The following HECTD2 variants were observed in gnomAD, a reference collection of about 807,000 sequenced individuals.
HECTD2 encodes HECT domain E3 ubiquitin protein ligase 2, also known as probable E3 ubiquitin-protein ligase HECTD2.
Under a neutral mutation model 103.2 loss-of-function variants are expected in HECTD2, and 35 were observed. The ratio of observed to expected loss-of-function variants is 0.34; its 90% CI spans 0.26 to 0.45. HECTD2 has a LOEUF of 0.45. Ranked by LOEUF, HECTD2 falls within the 20% of genes least tolerant of loss-of-function variation. The pLI, the probability that HECTD2 is intolerant of heterozygous loss-of-function variation, is 1.00. For synonymous variants in HECTD2, 281 were observed against 329.9 expected (o/e 0.85, Z 1.61); for missense variants, 596 against 937.4 (o/e 0.64, Z 4.76).
intron 2 of HECTD2, among the ~76,000 whole-genome samples, chr10:91,433,454 C>T (rs1427032275): frequency 6.6e-6 from 1 of 151,842 alleles, no homozygotes; most frequent in Non-Finnish European, 1.5e-5. Flanking sequence ...TGCTTTTTGT[C>T]CAGTTCATGT....
At chr10:91,439,397 C>A (rs9732335) in intron 2 of HECTD2, among the ~76,000 whole-genome samples, 2,201 of 152,140 alleles carry the variant, frequency 0.014, 49 homozygotes, top group African/African-American at 0.05. Context: ...AGATGTGTGG[C>A]ATTATTTCTG....
At chr10:91,493,803 AT>A (rs1472551666) in intron 14 of HECTD2, among the ~76,000 whole-genome samples, 1 of 152,022 alleles carries the variant, frequency 6.6e-6, no homozygotes, top group Non-Finnish European at 1.5e-5. Context: ...TTTAAAAAAA[AT>A]CAAAGTATTT....
At chr10:91,490,890 CAAAAAAAAAAAAAAAAAAAAA>C (rs61035151) in intron 11 of HECTD2, among the ~76,000 whole-genome samples, 1 of 13,616 alleles carries the variant, frequency 7.3e-5, no homozygotes, top group African/African-American at 2.3e-4. Context: ...GACTCCGTCT[CAAAAAAAAAAAAAAAAAAAAA>C]AAAAAAAAGA....
chr10:91,470,690 C>T (rs138289031), intron 5 of HECTD2, among the ~76,000 whole-genome samples: 5 of 151,862 alleles, frequency 3.3e-5, no homozygotes, highest in Non-Finnish European at 5.9e-5. Flanking sequence ...TAACCAAAAT[C>T]GGAGTTGAAC....
At chr10:91,503,207 G>GAGAT (rs1423022838) in intron 20 of HECTD2, among the ~76,000 whole-genome samples, 2 of 152,180 alleles carry the variant, frequency 1.3e-5, no homozygotes, top group African/African-American at 4.8e-5. Flanking sequence ...AAACCACAAT[G>GAGAT]AGATACCATC....
chr10:91,420,050 C>G (rs1243335196), intron 1 of HECTD2, among the ~76,000 whole-genome samples: 1 of 151,976 alleles, frequency 6.6e-6, no homozygotes, highest in Non-Finnish European at 1.5e-5. Flanking sequence ...AAAATGATGC[C>G]CGTTTTTTTT....
intron 17 of HECTD2, 27 bp from the exon 18 acceptor site, chr10:91,499,017 T>C (rs777201101): frequency 6.4e-7 from 1 of 1,558,630 alleles, no homozygotes; most frequent in South Asian, 1.1e-5. Context: ...ACTTTTACTA[T>C]TTAAGAGATG....
chr10:91,430,432 C>T (rs528854158), intron 2 of HECTD2, among the ~76,000 whole-genome samples: 77 of 152,120 alleles, frequency 5.1e-4, no homozygotes, highest in African/African-American at 1.7e-3. Flanking sequence ...CCTGGGTATC[C>T]TTGTTAACTT....
intron 2 of HECTD2, among the ~76,000 whole-genome samples, chr10:91,437,619 C>CTTT (rs59785873): frequency 1.0e-4 from 9 of 87,414 alleles, no homozygotes; most frequent in South Asian, 4.4e-4. Context: ...GATGGTTGTT[C>CTTT]TTTTTTTTTT....
chr10:91,506,220 A>C (rs2133373664), intron 20 of HECTD2, among the ~76,000 whole-genome samples: 1 of 150,320 alleles, frequency 6.7e-6, no homozygotes, highest in African/African-American at 2.4e-5. Context: ...AGAACTAGAA[A>C]AGCAAGAGCA....
intron 1 of HECTD2, among the ~76,000 whole-genome samples, chr10:91,410,789 C>T (rs1435003344): frequency 6.6e-6 from 1 of 152,162 alleles, no homozygotes; most frequent in Non-Finnish European, 1.5e-5. Flanking sequence ...CTACCACCCT[C>T]GGGAAATGTT....
intron 14 of HECTD2, among the ~76,000 whole-genome samples, chr10:91,494,783 C>T (rs1251341930): frequency 6.6e-6 from 1 of 151,916 alleles, no homozygotes; most frequent in Non-Finnish European, 1.5e-5. Flanking sequence ...ATCATTGATG[C>T]TTGTCACTAT....
chr10:91,504,314 T>A (rs553713598), intron 20 of HECTD2, among the ~76,000 whole-genome samples: 26 of 151,984 alleles, frequency 1.7e-4, no homozygotes, highest in African/African-American at 5.8e-4. Flanking sequence ...AGGCTTCAGA[T>A]GATCAAATTA....
chr10:91,475,352 A>T (rs1203446913), intron 5 of HECTD2, among the ~76,000 whole-genome samples: 10 of 152,364 alleles, frequency 6.6e-5, no homozygotes, highest in African/African-American at 2.4e-4. Flanking sequence ...AAGGCAAGAA[A>T]GACAGGAAAC....
At chr10:91,476,401 T>C (rs1175780173) in intron 5 of HECTD2, among the ~76,000 whole-genome samples, 1 of 151,988 alleles carries the variant, frequency 6.6e-6, no homozygotes, top group Admixed American at 6.5e-5. Context: ...CACCCAGAAA[T>C]AGGTTTGGAG....
At chr10:91,429,332 A>C (rs1029192215) in intron 2 of HECTD2, among the ~76,000 whole-genome samples, 1 of 152,130 alleles carries the variant, frequency 6.6e-6, no homozygotes, top group African/African-American at 2.4e-5. Flanking sequence ...TATTGGTCTA[A>C]AATTCTCCTT....
intron 2 of HECTD2, among the ~76,000 whole-genome samples, chr10:91,453,265 C>G (rs910896872): frequency 1.3e-5 from 2 of 152,076 alleles, no homozygotes; most frequent in African/African-American, 2.4e-5. Context: ...GACTTTGTCT[C>G]CATAAAAAAT....
intron 5 of HECTD2, among the ~76,000 whole-genome samples, chr10:91,477,567 G>A (rs1321907158): frequency 1.3e-5 from 2 of 152,166 alleles, no homozygotes. Context: ...ATACGTATAT[G>A]TGTATATGAC....
Position 91,460,539 on chromosome 10 carries a change from C to A in HECTD2, c.381C>A (p.Ile127=), listed in dbSNP as rs1252592807. ...APVLPEPILP[I]QPKTVKDFQE... is the part of the protein sequence containing the mutation. ...TCCTTCCAGAACCTATTCTTCCTATCCAGCCCAAAACTGTGAAAGACTTTC... is the reference window on the plus strand; with the variant it reads ...TCCTTCCAGAACCTATTCTTCCTATACAGCCCAAAACTGTGAAAGACTTTC... Residue 127 remains isoleucine, a synonymous_variant, in exon 3 of 21, where the codon ATC becomes ATA. Transcript: ENST00000298068. 6.8e-6 allele frequency: 11 copies of A among 1,611,972 alleles called. No homozygotes were observed. Among genetic ancestry groups the A allele is most frequent in the East Asian group, 6.7e-5 (3 of 44,832 alleles).
Sources: allele counts gnomAD v4.1 joint callset (sites outside exome capture counted in the v4.1 genomes callset), GRCh38; gene constraint gnomAD v4.1.1; transcripts MANE v1.5; gene names NCBI Gene and HGNC (gene_info 2026-07-23, HGNC 2026-07-21).